The following UCK2 variants were observed in gnomAD, a reference collection of about 807,000 sequenced individuals.
UCK2 encodes the protein cytidine monophosphokinase 2.
A neutral mutation model predicts 30.8 loss-of-function variants in UCK2; 6 were observed. That is an observed-to-expected ratio of 0.19 (90% CI 0.11 to 0.38). The LOEUF (loss-of-function observed/expected upper bound fraction) is 0.38, where lower values mean the gene tolerates loss of function less well. UCK2 is among the 10% of genes least tolerant of loss of function. The pLI, the probability that UCK2 is intolerant of heterozygous loss-of-function variation, is 1.00. For synonymous variants in UCK2, 125 were observed against 133.6 expected (o/e 0.94, Z 0.45); for missense variants, 210 against 339.8 (o/e 0.62, Z 3.00).
chr1:165,894,149 A>G (rs1445248321), intron 3 of UCK2: 1 of 152,184 alleles, frequency 6.6e-6, no homozygotes, highest in Non-Finnish European at 1.5e-5. Flanking sequence ...ATATTCCAAA[A>G]TCTGAAAAAA....
intron 1 of UCK2, among the ~76,000 whole-genome samples, chr1:165,832,862 C>T (rs1218860451): frequency 1.3e-5 from 2 of 152,126 alleles, no homozygotes; most frequent in East Asian, 3.9e-4. Context: ...GCTGAGATTA[C>T]AGGCATGAGC....
At chr1:165,884,251 T>C (rs1248473298) in intron 1 of UCK2, among the ~76,000 whole-genome samples, 2 of 152,230 alleles carry the variant, frequency 1.3e-5, no homozygotes, top group African/African-American at 4.8e-5. Context: ...TTTCCCGTCC[T>C]GAAAAGCAGG....
In UCK2 at chr1:165,836,773, G is replaced by T. The variant is rs550184605; in HGVS notation, c.99+8841G>T. 6.6e-5 allele frequency among the ~76,000 whole-genome samples: 10 copies of T among 152,318 alleles called. No individual in the cohort carries two copies. The East Asian group carries it at 1.9e-3, about 29-fold the overall frequency. Reference sequence around the variant, plus strand: ...GCTCAGGAAGTTTTCATGTACCCTAGTTTGAAGACAACTGATTTAGGTAGC... The same window carrying T: ...GCTCAGGAAGTTTTCATGTACCCTATTTTGAAGACAACTGATTTAGGTAGC... On this transcript the variant is annotated intron_variant, in intron 1 of 6. Coordinates refer to ENST00000367879, the MANE Select transcript of UCK2 (RefSeq NM_012474.5).
At chr1:165,878,121 CT>C in intron 1 of UCK2, among the ~76,000 whole-genome samples, 1 of 152,306 alleles carries the variant, frequency 6.6e-6, no homozygotes, top group South Asian at 2.1e-4. Context: ...AAAAAATCCC[CT>C]GTGCTCTGCC....
At chr1:165,893,654 G>C (rs1655823205) in intron 3 of UCK2, among the ~76,000 whole-genome samples, 1 of 152,130 alleles carries the variant, frequency 6.6e-6, no homozygotes, top group African/African-American at 2.4e-5. Flanking sequence ...TTCTTTCTGG[G>C]GCTTCCCAGC....
At chr1:165,901,335 C>T (rs975436926) in intron 4 of UCK2, among the ~76,000 whole-genome samples, 4 of 152,212 alleles carry the variant, frequency 2.6e-5, no homozygotes, top group African/African-American at 9.7e-5. Flanking sequence ...GCCCAGCTTT[C>T]TGGAAATGTG....
intron 1 of UCK2, among the ~76,000 whole-genome samples, chr1:165,845,284 G>A (rs762591251): frequency 1.3e-5 from 2 of 152,172 alleles, no homozygotes; most frequent in Non-Finnish European, 2.9e-5. Flanking sequence ...TTCTGTGCAC[G>A]GTAGAGGGTA....
chr1:165,861,657 AAACAACAGT>A (rs1654909201), intron 1 of UCK2, among the ~76,000 whole-genome samples: 1 of 55,756 alleles, frequency 1.8e-5, no homozygotes, highest in Non-Finnish European at 3.8e-5. Context: ...AAACAAAAAA[AAACAACAGT>A]AAAACTCAAT....
At chr1:165,836,087 G>A (rs1413775028) in intron 1 of UCK2, among the ~76,000 whole-genome samples, 1 of 152,116 alleles carries the variant, frequency 6.6e-6, no homozygotes, top group African/African-American at 2.4e-5. Flanking sequence ...AATTAGCTGG[G>A]CATGGTGGCT....
chr1:165,827,729 C>A lies in UCK2; in HGVS notation c.-105C>A. The A allele has an allele frequency of 9.3e-7, 1 of 1,071,324 alleles. No homozygotes were observed. Among genetic ancestry groups the A allele is most frequent in the Non-Finnish European group, 1.2e-6 (1 of 827,680 alleles). The allele number at this position is 1,071,324 out of a possible 1,614,324, so 66.4% of individuals were successfully genotyped here. A position where few individuals can be genotyped will look rare whatever the true frequency, so the allele number is the denominator to read the frequency against. On this transcript the variant is annotated 5_prime_UTR_variant, in exon 1 of 7. Coordinates refer to ENST00000367879, the MANE Select transcript of UCK2 (RefSeq NM_012474.5). ...CGAGCGACAGCGGCCTCAGCCCCGG[C>A]AGCGCCCAGCGGCGGCTGCGGAAAG...
intron 3 of UCK2, among the ~76,000 whole-genome samples, chr1:165,893,890 C>A (rs1263894728): frequency 1.3e-5 from 2 of 152,158 alleles, no homozygotes; most frequent in Non-Finnish European, 2.9e-5. Context: ...ACCACTTTTC[C>A]TTTTTAGTAT....
chr1:165,874,399 C>T (rs1367146985), intron 1 of UCK2, among the ~76,000 whole-genome samples: 1 of 152,150 alleles, frequency 6.6e-6, no homozygotes, highest in Admixed American at 6.6e-5. Context: ...CGTACAGAGC[C>T]GTCCAGTGGC....
At chr1:165,861,118 T>C (rs1023520820) in intron 1 of UCK2, among the ~76,000 whole-genome samples, 15 of 152,112 alleles carry the variant, frequency 9.9e-5, no homozygotes, top group Non-Finnish European at 1.8e-4. Context: ...TTTTATGGTC[T>C]TCACTTGATG....
At chr1:165,907,586 A>G in intron 6 of UCK2, 98 bp from the exon 7 acceptor site, 3 of 1,490,484 alleles carry the variant, frequency 2.0e-6, no homozygotes, top group Admixed American at 2.2e-5. Context: ...AAGTCTTTCT[A>G]CTGTGGTTCC....
chr1:165,872,230 A>G (rs1392384949), intron 1 of UCK2, among the ~76,000 whole-genome samples: 3 of 152,114 alleles, frequency 2.0e-5, no homozygotes, highest in Non-Finnish European at 1.5e-5. Flanking sequence ...GTGTGCCACT[A>G]TGCCCAGCTA....
intron 1 of UCK2, among the ~76,000 whole-genome samples, chr1:165,856,931 A>C (rs921972818): frequency 1.4e-5 from 2 of 142,058 alleles, no homozygotes; most frequent in Non-Finnish European, 1.6e-5. Flanking sequence ...ACTTTTGCGA[A>C]CATGTTGACA....
At chr1:165,854,034 C>G (rs1175528592) in intron 1 of UCK2, among the ~76,000 whole-genome samples, 1 of 152,208 alleles carries the variant, frequency 6.6e-6, no homozygotes, top group Non-Finnish European at 1.5e-5. Flanking sequence ...TCTGTGTAGT[C>G]AGAAGTCCAT....
intron 1 of UCK2, among the ~76,000 whole-genome samples, chr1:165,833,100 C>G (rs535417773): frequency 6.6e-6 from 1 of 152,082 alleles, no homozygotes; most frequent in African/African-American, 2.4e-5. Context: ...GCTCTGGACC[C>G]GTGTCGGCGC....
intron 5 of UCK2, among the ~76,000 whole-genome samples, chr1:165,905,716 A>C (rs1460978179): frequency 6.6e-6 from 1 of 152,092 alleles, no homozygotes; most frequent in African/African-American, 2.4e-5. Context: ...CAGCTAAACA[A>C]GGCACTTCCT....
Sources: gnomAD v4.1 joint callset for allele counts (sites outside exome capture counted in the v4.1 genomes callset) on GRCh38, gnomAD v4.1.1 for gene constraint, MANE v1.5 for transcripts, NCBI Gene and HGNC (gene_info 2026-07-23, HGNC 2026-07-21) for gene names.